TENM3: variants seen among roughly 807,000 people sequenced by gnomAD.
TENM3 encodes the protein teneurin transmembrane protein 3, also known as teneurin-3.
Under a neutral mutation model 255.1 loss-of-function variants are expected in TENM3, and 63 were observed. The ratio of observed to expected loss-of-function variants is 0.25; its 90% confidence interval spans 0.20 to 0.30. The LOEUF (loss-of-function observed/expected upper bound fraction) is 0.30, where lower values mean the gene tolerates loss of function less well. TENM3 is among the 10% of genes least tolerant of loss of function. The probability of loss-of-function intolerance (pLI) is 1.00; values close to 1 mark genes in which losing one functional copy is unlikely to be tolerated. For missense variants in TENM3, 2,929 were observed against 3,461.1 expected (o/e 0.85, Z 3.86); for synonymous variants, 1,306 against 1,322.3 (o/e 0.99, Z 0.27).
At chr4:182,477,086 TTTTAA>T (rs571839091) in intron 3 of TENM3, among the ~76,000 whole-genome samples, 293 of 152,344 alleles carry the variant, frequency 1.9e-3, no homozygotes, top group African/African-American at 6.6e-3. Flanking sequence ...ACAGTTAGTA[TTTTAA>T]TTTGTTTTTA....
chr4:182,046,158 T>TA, the TENM3 span, among the ~76,000 whole-genome samples: 1 of 152,100 alleles, frequency 6.6e-6, no homozygotes, highest in African/African-American at 2.4e-5. Flanking sequence ...TTCTAATCAG[T>TA]AAAAATAAAT....
At chr4:182,578,067 C>T (rs768422247) in intron 3 of TENM3, among the ~76,000 whole-genome samples, 3 of 151,986 alleles carry the variant, frequency 2.0e-5, no homozygotes, top group African/African-American at 4.8e-5. Context: ...AGCTCCACCT[C>T]CCAGGTTCAA....
chr4:181,553,710 G>A, the TENM3 span, among the ~76,000 whole-genome samples: 1 of 152,036 alleles, frequency 6.6e-6, no homozygotes, highest in Non-Finnish European at 1.5e-5. Context: ...CAAAGTGTTG[G>A]GATTACAGGC....
intron 5 of TENM3, among the ~76,000 whole-genome samples, chr4:182,632,733 C>T (rs987667329): frequency 7.2e-5 from 11 of 152,000 alleles, no homozygotes; most frequent in East Asian, 1.9e-4. Context: ...GTTTTAAAGT[C>T]GTCAAATGTA....
chr4:182,252,216 G>A (rs1758066332), intron 1 of TENM3, among the ~76,000 whole-genome samples: 3 of 151,748 alleles, frequency 2.0e-5, no homozygotes, highest in Admixed American at 6.6e-5. Flanking sequence ...TGTGGTTGCT[G>A]AGAATGTCAC....
At chr4:182,526,981 T>C (rs1217108243) in intron 3 of TENM3, among the ~76,000 whole-genome samples, 1 of 152,176 alleles carries the variant, frequency 6.6e-6, no homozygotes, top group Non-Finnish European at 1.5e-5. Context: ...CTTTAATTTT[T>C]TTTTTTCTGA....
intron 3 of TENM3, among the ~76,000 whole-genome samples, chr4:182,432,283 T>C (rs1771716192): frequency 6.6e-6 from 1 of 152,156 alleles, no homozygotes; most frequent in Non-Finnish European, 1.5e-5. Context: ...ACAATGTGTT[T>C]TATGTTCACT....
chr4:182,242,750 G>A (rs1041350097), upstream of TENM3, among the ~76,000 whole-genome samples: 1 of 152,098 alleles, frequency 6.6e-6, no homozygotes, highest in African/African-American at 2.4e-5. Flanking sequence ...GACAGACTGA[G>A]GCCCTGTCTC....
intron 1 of TENM3, among the ~76,000 whole-genome samples, chr4:182,202,201 G>A (rs368377332): frequency 5.3e-5 from 8 of 152,040 alleles, no homozygotes; most frequent in African/African-American, 1.4e-4. Flanking sequence ...ACGTGGGCTT[G>A]TGAGTGGGGA....
chr4:181,784,395 A>T, the TENM3 span, among the ~76,000 whole-genome samples: 1 of 152,070 alleles, frequency 6.6e-6, no homozygotes, highest in Non-Finnish European at 1.5e-5. Context: ...GTATTCCTAC[A>T]ATAAAACATA....
At chr4:181,838,179 G>T in the TENM3 span, among the ~76,000 whole-genome samples, 7 of 151,456 alleles carry the variant, frequency 4.6e-5, no homozygotes, top group South Asian at 1.5e-3. Context: ...AAAAGAGAAA[G>T]AAAACCTTAG....
the TENM3 span, among the ~76,000 whole-genome samples, chr4:181,667,985 G>A: frequency 1.3e-3 from 199 of 152,224 alleles, no homozygotes; most frequent in South Asian, 7.9e-3. Flanking sequence ...TTCACTTGAC[G>A]AAATAGTTCT....
At chr4:182,255,476 A>G (rs1467367483) in intron 1 of TENM3, among the ~76,000 whole-genome samples, 1 of 152,202 alleles carries the variant, frequency 6.6e-6, no homozygotes, top group Non-Finnish European at 1.5e-5. Flanking sequence ...CAACACTTAC[A>G]GAGGATTATG....
chr4:181,829,653 A>G, the TENM3 span, among the ~76,000 whole-genome samples: 5 of 152,190 alleles, frequency 3.3e-5, no homozygotes, highest in South Asian at 2.1e-4. Context: ...CGAGGTAGGG[A>G]GGAAAGTGTA....
chr4:182,480,537 A>T (rs573638452), intron 3 of TENM3, among the ~76,000 whole-genome samples: 2 of 151,654 alleles, frequency 1.3e-5, no homozygotes, highest in Non-Finnish European at 3.0e-5. Context: ...TAACTAATAT[A>T]TTAACACATT....
the TENM3 span, among the ~76,000 whole-genome samples, chr4:182,038,184 T>C: frequency 6.6e-6 from 1 of 152,166 alleles, no homozygotes; most frequent in Non-Finnish European, 1.5e-5. Flanking sequence ...ATGACTAGCT[T>C]CATTCTGAGT....
chr4:181,716,395 A>T, the TENM3 span, among the ~76,000 whole-genome samples: 1 of 152,336 alleles, frequency 6.6e-6, no homozygotes, highest in South Asian at 2.1e-4. Context: ...TGCTGTTCTT[A>T]CTAAGTGAAG....
chr4:181,749,692 G>C, the TENM3 span, among the ~76,000 whole-genome samples: 2 of 152,112 alleles, frequency 1.3e-5, no homozygotes, highest in African/African-American at 2.4e-5. Context: ...GTGTTAACAA[G>C]CTCAGCTTCT....
chr4:181,551,089 CT>C, the TENM3 span, among the ~76,000 whole-genome samples: 1 of 152,042 alleles, frequency 6.6e-6, no homozygotes, highest in African/African-American at 2.4e-5. Context: ...AAGGAATTTT[CT>C]TTTTTTCCCC....
Sources: gnomAD v4.1 joint callset for allele counts (sites outside exome capture counted in the v4.1 genomes callset) on GRCh38, gnomAD v4.1.1 for gene constraint, MANE v1.5 for transcripts, NCBI Gene and HGNC (gene_info 2026-07-23, HGNC 2026-07-21) for gene names.